Variants in HOOK3 observed in about 807,000 individuals in gnomAD.
The protein encoded by HOOK3 is hook microtubule tethering protein 3.
In HOOK3, 24 loss-of-function variants were observed where a neutral mutation model predicts 116.3. The ratio of observed to expected loss-of-function variants is 0.21; its 90% CI spans 0.15 to 0.29. HOOK3 has a LOEUF of 0.29. Ranked by LOEUF, HOOK3 falls within the 10% of genes least tolerant of loss-of-function variation. The pLI, the probability that HOOK3 is intolerant of heterozygous loss-of-function variation, is 1.00. For synonymous variants in HOOK3, 275 were observed against 283.0 expected, an observed-to-expected ratio of 0.97 and a Z score of 0.28; for missense variants, 632 against 830.2, an observed-to-expected ratio of 0.76 and a Z score of 2.93.
In HOOK3 at chr8:43,029,580, G is replaced by A; in HGVS notation, c.*11082G>A. 5.2e-6 allele frequency: 1 copy of A among 191,434 alleles called. No homozygotes were observed. Among genetic ancestry groups the A allele is most frequent in the Admixed American group, 6.1e-5 (1 of 16,304 alleles). 11.9% of individuals were successfully genotyped at this position (191,434 alleles called of 1,614,324 possible). On this transcript the variant is annotated 3_prime_UTR_variant, in exon 22 of 22. Coordinates refer to ENST00000307602, the MANE Select transcript of HOOK3 (RefSeq NM_032410.4). ...CTTTGTACTTAGAAAATAATTTCTA[G>A]GCTTATCTTGTTTTGCAGTTTTCAT...
At chr8:42,911,571 T>C (rs1189689434) in intron 2 of HOOK3, among the ~76,000 whole-genome samples, 2 of 152,152 alleles carry the variant, frequency 1.3e-5, no homozygotes, top group African/African-American at 4.8e-5. Context: ...TAAAATGAAT[T>C]GGAAGAGGCC....
rs1280125879 is a variant in HOOK3, at chr8:42,942,946, C to T, written c.268-367C>T. ...ATCAAGGTGGCTAGTGAGAATCTTA[C>T]TGTTGGGGACATGAATTTATATTTA... is the stretch of plus-strand genomic sequence containing the variant. On this transcript the variant is annotated intron_variant, in intron 4 of 21. Transcript: ENST00000307602. 3.3e-5 allele frequency among the ~76,000 whole-genome samples: 5 copies of T among 152,330 alleles called. No individual in the cohort carries two copies. The East Asian group carries it at 7.7e-4, about 24-fold the overall frequency.
intron 15 of HOOK3, among the ~76,000 whole-genome samples, chr8:42,996,550 G>T (rs1422646297): frequency 6.6e-6 from 1 of 152,090 alleles, no homozygotes; most frequent in African/African-American, 2.4e-5. Context: ...GGGTTGTGCT[G>T]ATCTCCTTTT....
chr8:42,966,367 C>T (rs1808633143), intron 9 of HOOK3, 106 bp from the exon 10 acceptor site: 1 of 1,186,110 alleles, frequency 8.4e-7, no homozygotes. Flanking sequence ...GGGAGACATA[C>T]TCAAGAAGGC....
At chr8:42,967,940 CCTT>C (rs1420988585) in intron 10 of HOOK3, 70 bp from the exon 11 acceptor site, 1 of 832,424 alleles carries the variant, frequency 1.2e-6, no homozygotes, top group East Asian at 2.4e-5. Flanking sequence ...TCCTGGCAAT[CCTT>C]CTTAACACTG....
chr8:42,901,140 A>G (rs1328425423), intron 1 of HOOK3, among the ~76,000 whole-genome samples: 1 of 152,214 alleles, frequency 6.6e-6, no homozygotes. Context: ...CGGGAGCAAA[A>G]TTATCCATTG....
At chr8:42,975,008 A>C (rs1472164980) in intron 13 of HOOK3, among the ~76,000 whole-genome samples, 1 of 152,036 alleles carries the variant, frequency 6.6e-6, no homozygotes, top group South Asian at 2.1e-4. Context: ...TCACTAGAGG[A>C]TATGAACTCC....
At chr8:42,900,600 A>G (rs1322899573) in intron 1 of HOOK3, among the ~76,000 whole-genome samples, 1 of 152,096 alleles carries the variant, frequency 6.6e-6, no homozygotes, top group African/African-American at 2.4e-5. Flanking sequence ...TCTGCCAACA[A>G]TTTTTGTCCT....
intron 4 of HOOK3, among the ~76,000 whole-genome samples, chr8:42,936,251 CTT>C (rs1333481561): frequency 9.8e-5 from 15 of 152,316 alleles, no homozygotes; most frequent in African/African-American, 3.6e-4. Flanking sequence ...TATCCTGAGA[CTT>C]TGCTGAAGTT....
At chr8:42,984,336 C>T (rs1166850592) in intron 14 of HOOK3, among the ~76,000 whole-genome samples, 1 of 151,092 alleles carries the variant, frequency 6.6e-6, no homozygotes, top group Non-Finnish European at 1.5e-5. Context: ...CCATTGCACT[C>T]CAGTCTGGGC....
At position 42,959,588 on chromosome 8, in the gene HOOK3, G is replaced by A. The variant is rs189467331; in HGVS notation, c.615+274G>A. On this transcript the variant is annotated intron_variant, in intron 8 of 21. Coordinates refer to ENST00000307602, the MANE Select transcript of HOOK3 (RefSeq NM_032410.4). ...CAAAAAATTAGCCGGGTGTGATGGC[G>A]GGCGCCTGTAATCCCAGCTACTTGG... 3.9e-3 allele frequency among the ~76,000 whole-genome samples: 591 copies of A among 151,688 alleles called. 1 individual carries two copies. The highest frequency in any genetic ancestry group is 4.7e-3 in the Non-Finnish European group (316 of 67,894).
chr8:42,907,380 C>G (rs1807330196), intron 2 of HOOK3, among the ~76,000 whole-genome samples: 1 of 152,096 alleles, frequency 6.6e-6, no homozygotes, highest in South Asian at 2.1e-4. Flanking sequence ...TTTTTACTTT[C>G]TTCTATAACT....
rs776729959 is a variant in HOOK3 at position 42,943,390 on chromosome 8, T to C, written c.345T>C (p.Leu115=). 9 of 1,571,200 alleles carry C rather than the reference T, an allele frequency of 5.7e-6. No individual in the cohort carries two copies. In the South Asian group the frequency reaches 1.1e-4, roughly 19 times the overall value. ...LIGEHSDAAE[L]GRMLQLILGC... ...GGGAGCATTCTGATGCAGCAGAGCT[T>C]GGAAGGATGCTTCAGCTCATCTTAG... Residue 115 remains leucine (L), a synonymous_variant, in exon 5 of 22, where the codon CTT becomes CTC. Coordinates refer to ENST00000307602, the MANE Select transcript of HOOK3 (RefSeq NM_032410.4).
At chr8:43,000,181 A>G (rs529328768) in intron 16 of HOOK3, 3 of 774,540 alleles carry the variant, frequency 3.9e-6, no homozygotes, top group Admixed American at 2.5e-5. Context: ...ACTTCTGTTC[A>G]TGAATTACTA....
Position 43,025,183 on chromosome 8 carries a change from C to T in HOOK3, c.*6685C>T, listed in dbSNP as rs1809911145. The T allele has an allele frequency of 9.7e-6, 2 of 207,054 alleles. No individual in the cohort carries two copies. Among genetic ancestry groups the T allele is most frequent in the African/African-American group, 4.6e-5 (2 of 43,894 alleles). 12.8% of individuals were successfully genotyped at this position (207,054 alleles called of 1,614,324 possible). A position where few individuals can be genotyped will look rare whatever the true frequency, so the allele number is the denominator to read the frequency against. On this transcript the variant is annotated 3_prime_UTR_variant, in exon 22 of 22. Coordinates refer to ENST00000307602, the MANE Select transcript of HOOK3 (RefSeq NM_032410.4). ...ATTGTGGGGGGTTATAAATGTTTTC[C>T]TATGATAGATAAATATATAGATATA... is the stretch of plus-strand genomic sequence containing the variant.
intron 13 of HOOK3, among the ~76,000 whole-genome samples, chr8:42,977,149 T>C (rs1353146004): frequency 6.6e-6 from 1 of 152,192 alleles, no homozygotes; most frequent in African/African-American, 2.4e-5. Flanking sequence ...CTTTCTGTCA[T>C]CCCCTTTATT....
chr8:42,962,805 T>C (rs1457613823), intron 8 of HOOK3, among the ~76,000 whole-genome samples: 1 of 146,752 alleles, frequency 6.8e-6, no homozygotes, highest in African/African-American at 2.5e-5. Context: ...TCTTTTTTTT[T>C]TTTTTTTTTT....
chr8:42,993,266 T>TTA (rs761444842), intron 15 of HOOK3, among the ~76,000 whole-genome samples: 6 of 152,116 alleles, frequency 3.9e-5, no homozygotes, highest in African/African-American at 1.4e-4. Context: ...TGGCCTATAC[T>TTA]TATATATATA....
chr8:43,000,872 T>C (rs1809366734), intron 16 of HOOK3: 2 of 152,232 alleles, frequency 1.3e-5, no homozygotes, highest in Non-Finnish European at 2.9e-5. Flanking sequence ...AGTTAAAGTT[T>C]TGCTAGAGTC....
Sources: gnomAD v4.1 joint callset for allele counts (sites outside exome capture counted in the v4.1 genomes callset) on GRCh38, gnomAD v4.1.1 for gene constraint, MANE v1.5 for transcripts, NCBI Gene and HGNC (gene_info 2026-07-23, HGNC 2026-07-21) for gene names.